The following SCN2A variants were observed in gnomAD, a reference collection of about 807,000 sequenced individuals.
SCN2A encodes the protein sodium voltage-gated channel alpha subunit 2, also known as sodium channel protein type 2 subunit alpha.
In SCN2A, 20 loss-of-function variants were observed where a neutral mutation model predicts 188.7. The ratio of observed to expected loss-of-function variants is 0.11; its 90% CI spans 0.07 to 0.15. The LOEUF (loss-of-function observed/expected upper bound fraction) is 0.15. Among genes scored for constraint, SCN2A ranks in the 10% least tolerant of loss-of-function variants. SCN2A has a pLI of 1.00. For synonymous variants in SCN2A, 804 were observed against 833.1 expected, an observed-to-expected ratio of 0.97 and a Z score of 0.60; for missense variants, 1,278 against 2,445.0, an observed-to-expected ratio of 0.52 and a Z score of 10.07.
At chr2:165,327,163 T>G in intron 13 of SCN2A, 179 bp downstream of exon 13, 1 of 748,526 alleles carries the variant, frequency 1.3e-6, no homozygotes, top group Non-Finnish European at 2.1e-6. Context: ...AGATTTTTTT[T>G]TTTTATATTT....
At chr2:165,288,272 A>C (rs1281809177) in intron 1 of SCN2A, among the ~76,000 whole-genome samples, 1 of 152,226 alleles carries the variant, frequency 6.6e-6, no homozygotes, top group Non-Finnish European at 1.5e-5. Flanking sequence ...ATGCCAAAAA[A>C]TGCAAGTAAA....
At chr2:165,337,289 A>C (rs1490977032) in intron 14 of SCN2A, among the ~76,000 whole-genome samples, 1 of 152,138 alleles carries the variant, frequency 6.6e-6, no homozygotes, top group Non-Finnish European at 1.5e-5. Context: ...GAGAATTAAA[A>C]GGAAAAATGA....
At chr2:165,380,755 G>C in intron 24 of SCN2A, 26 bp downstream of exon 24, 1 of 1,525,502 alleles carries the variant, frequency 6.6e-7, no homozygotes, top group South Asian at 1.1e-5. Context: ...CTTCATCCTT[G>C]CTCTGAAATA....
At chr2:165,305,211 T>G (rs1697052733) in intron 3 of SCN2A, among the ~76,000 whole-genome samples, 2 of 152,226 alleles carry the variant, frequency 1.3e-5, no homozygotes, top group Non-Finnish European at 2.9e-5. Flanking sequence ...ATGCACATTT[T>G]ATAAGACACA....
chr2:165,260,335 A>AT (rs1694528367), intron 1 of SCN2A, among the ~76,000 whole-genome samples: 1 of 152,192 alleles, frequency 6.6e-6, no homozygotes, highest in South Asian at 2.1e-4. Flanking sequence ...GCAGATCTCC[A>AT]TCAGAGCTCT....
chr2:165,312,174 C>G, intron 8 of SCN2A, 86 bp downstream of exon 8: 1 of 935,576 alleles, frequency 1.1e-6, no homozygotes, highest in Non-Finnish European at 1.7e-6. Flanking sequence ...CAGTCCCACT[C>G]ACTCCTCACT....
intron 14 of SCN2A, among the ~76,000 whole-genome samples, chr2:165,341,598 C>G (rs73023798): frequency 0.04 from 6,012 of 152,076 alleles, 377 homozygotes; most frequent in African/African-American, 0.13. Flanking sequence ...AGGCAAAGCA[C>G]AGTTACGGAT....
At chr2:165,260,145 G>A (rs1346782048) in intron 1 of SCN2A, among the ~76,000 whole-genome samples, 1 of 151,826 alleles carries the variant, frequency 6.6e-6, no homozygotes, top group Non-Finnish European at 1.5e-5. Context: ...AGGTTTCACC[G>A]TGTTAGCCGG....
At chr2:165,339,705 G>A (rs1248342481) in intron 14 of SCN2A, among the ~76,000 whole-genome samples, 10 of 152,134 alleles carry the variant, frequency 6.6e-5, no homozygotes, top group Admixed American at 1.3e-4. Flanking sequence ...TGCAATGGAA[G>A]ATTCAATATT....
At chr2:165,353,036 A>G (rs933318169) in intron 16 of SCN2A, among the ~76,000 whole-genome samples, 8 of 149,054 alleles carry the variant, frequency 5.4e-5, no homozygotes, top group African/African-American at 2.0e-4. Flanking sequence ...AGAATGTCTG[A>G]TTTCTTCGTA....
chr2:165,308,195 G>C (rs1234251559), intron 4 of SCN2A, among the ~76,000 whole-genome samples: 1 of 151,992 alleles, frequency 6.6e-6, no homozygotes, highest in Non-Finnish European at 1.5e-5. Flanking sequence ...ATGTTCTTTT[G>C]AAGATCACCA....
chr2:165,275,617 T>G (rs1695300540), intron 1 of SCN2A, among the ~76,000 whole-genome samples: 1 of 152,222 alleles, frequency 6.6e-6, no homozygotes, highest in Admixed American at 6.5e-5. Context: ...TTAGGTTTAT[T>G]GTTTTTGATT....
intron 3 of SCN2A, among the ~76,000 whole-genome samples, chr2:165,304,957 A>C (rs1697037896): frequency 6.6e-6 from 1 of 152,196 alleles, no homozygotes; most frequent in African/African-American, 2.4e-5. Context: ...TGCAGAATGG[A>C]TTAAATGGAG....
chr2:165,381,495 C>A (rs931725749), intron 25 of SCN2A, among the ~76,000 whole-genome samples: 1 of 144,186 alleles, frequency 6.9e-6, no homozygotes, highest in African/African-American at 2.4e-5. Flanking sequence ...CTTCTAATAA[C>A]ATCAAAAATA....
chr2:165,311,064 G>A (rs192268664), intron 7 of SCN2A, among the ~76,000 whole-genome samples: 1 of 152,144 alleles, frequency 6.6e-6, no homozygotes, highest in African/African-American at 2.4e-5. Flanking sequence ...ATAAGAATTT[G>A]TGTGCTCCTC....
chr2:165,382,888 C>T lies in SCN2A; in HGVS notation c.4551+1691C>T, dbSNP rs147984192. On this transcript the variant is annotated intron_variant, in intron 25 of 26. Transcript: ENST00000375437. ...AAAAAACAAAATTCTCAGAATGAGG[C>T]CTTGCATACTTCATCAAGATATAGG... Among the ~76,000 whole-genome samples, 603 of 152,132 alleles carry T rather than the reference C, an allele frequency of 4.0e-3. 9 individuals are homozygous for T. Among genetic ancestry groups the T allele is most frequent in the African/African-American group, 0.013 (541 of 41,518 alleles).
chr2:165,349,415 A>C (rs1001314642), intron 16 of SCN2A, among the ~76,000 whole-genome samples: 7 of 152,206 alleles, frequency 4.6e-5, no homozygotes, highest in African/African-American at 1.7e-4. Context: ...TATACGTAGC[A>C]GGAGAATGCA....
chr2:165,281,689 T>A (rs1695589797), intron 1 of SCN2A, among the ~76,000 whole-genome samples: 1 of 152,108 alleles, frequency 6.6e-6, no homozygotes, highest in Non-Finnish European at 1.5e-5. Flanking sequence ...TTCAAAGGAA[T>A]CTGGCTACCA....
intron 18 of SCN2A, among the ~76,000 whole-genome samples, chr2:165,366,015 A>G (rs1433278859): frequency 6.6e-6 from 1 of 152,216 alleles, no homozygotes; most frequent in African/African-American, 2.4e-5. Flanking sequence ...TGTAACTCAC[A>G]GACTTTCTTG....
Sources: gnomAD v4.1 joint callset for allele counts (sites outside exome capture counted in the v4.1 genomes callset) on GRCh38, gnomAD v4.1.1 for gene constraint, MANE v1.5 for transcripts, NCBI Gene and HGNC (gene_info 2026-07-23, HGNC 2026-07-21) for gene names.